FILIP1L: variants seen among roughly 807,000 people sequenced by gnomAD.
The protein encoded by FILIP1L is filamin A interacting protein 1 like.
FILIP1L carries 55 observed loss-of-function variants against 96.6 expected under a neutral mutation model. That is an observed-to-expected ratio of 0.57 (90% CI 0.46 to 0.71). FILIP1L has a LOEUF of 0.71. Ranked by LOEUF, FILIP1L falls within the 30% of genes least tolerant of loss-of-function variation. The pLI, the probability that FILIP1L is intolerant of heterozygous loss-of-function variation, is 0.00. For missense variants in FILIP1L, 1,304 were observed against 1,321.2 expected (o/e 0.99, Z 0.20); for synonymous variants, 467 against 473.9 (o/e 0.99, Z 0.19).
rs2064884470 is a variant in FILIP1L, at chr3:100,024,604, CA to C, written c.-11+89448del. On this transcript the variant is annotated intron_variant, in intron 1 of 5. Transcript: ENST00000477258. Reference sequence around the variant, plus strand: ...AATTATGTAATTATAGTAACAAATCCAACAGGCATAGGCAGGTTTGAGAACA... The same window carrying C: ...AATTATGTAATTATAGTAACAAATCCACAGGCATAGGCAGGTTTGAGAACA... Among the ~76,000 whole-genome samples the C allele has an allele frequency of 6.6e-5, 10 of 152,194 alleles. No individual in the cohort carries two copies. The South Asian group carries it at 2.1e-3, about 32-fold the overall frequency.
At chr3:99,875,615 T>TAAAC (rs1260529501) in intron 4 of FILIP1L, among the ~76,000 whole-genome samples, 4 of 152,212 alleles carry the variant, frequency 2.6e-5, no homozygotes, top group African/African-American at 9.6e-5. Flanking sequence ...AGTGTTTTTC[T>TAAAC]AGTCGTTTAT....
At chr3:100,003,788 A>G (rs557515999) in intron 1 of FILIP1L, among the ~76,000 whole-genome samples, 1 of 152,192 alleles carries the variant, frequency 6.6e-6, no homozygotes, top group Non-Finnish European at 1.5e-5. Flanking sequence ...AGACATATGT[A>G]TATTTATTGA....
At chr3:99,836,168 G>A (rs1020449197) in intron 5 of FILIP1L, among the ~76,000 whole-genome samples, 2 of 152,182 alleles carry the variant, frequency 1.3e-5, no homozygotes, top group African/African-American at 4.8e-5. Context: ...AAGTGTAGTA[G>A]ATTAACTATC....
At chr3:99,956,009 G>A (rs1366657513) in intron 1 of FILIP1L, among the ~76,000 whole-genome samples, 4 of 152,144 alleles carry the variant, frequency 2.6e-5, no homozygotes, top group African/African-American at 9.7e-5. Flanking sequence ...TAGGTTGTAA[G>A]GTGCCTGCCA....
intron 1 of FILIP1L, among the ~76,000 whole-genome samples, chr3:100,111,612 C>A (rs1311312415): frequency 2.0e-5 from 3 of 152,116 alleles, no homozygotes; most frequent in African/African-American, 7.2e-5. Flanking sequence ...GTGTAGGCTC[C>A]AGTGATTGAC....
intron 4 of FILIP1L, among the ~76,000 whole-genome samples, chr3:99,875,674 C>T (rs149621887): frequency 2.0e-3 from 301 of 152,258 alleles, no homozygotes; most frequent in African/African-American, 6.8e-3. Flanking sequence ...CAAATTTTCG[C>T]ATTCTGCTCA....
chr3:99,999,202 G>T (rs1050924603), intron 1 of FILIP1L, among the ~76,000 whole-genome samples: 11 of 152,112 alleles, frequency 7.2e-5, no homozygotes, highest in African/African-American at 2.7e-4. Context: ...CTCTAGGTGA[G>T]GAAGCATATT....
intron 4 of FILIP1L, among the ~76,000 whole-genome samples, chr3:99,859,786 C>G (rs1332123595): frequency 1.3e-5 from 2 of 151,806 alleles, no homozygotes; most frequent in Admixed American, 1.3e-4. Context: ...TGGTATCAGG[C>G]CTATAATTTA....
intron 1 of FILIP1L, among the ~76,000 whole-genome samples, chr3:100,034,393 T>C (rs1231911700): frequency 1.3e-5 from 2 of 152,202 alleles, no homozygotes; most frequent in Non-Finnish European, 2.9e-5. Flanking sequence ...GCATTCTGAT[T>C]ATGGCCAGAT....
chr3:100,045,985 A>C (rs562752684), intron 1 of FILIP1L, among the ~76,000 whole-genome samples: 1 of 152,146 alleles, frequency 6.6e-6, no homozygotes, highest in African/African-American at 2.4e-5. Context: ...TCACATCTGC[A>C]TTCTTGGTGG....
rs115017494 is a variant in FILIP1L, at chr3:100,058,707, G to A, written c.-11+55346C>T. 3.7e-3 allele frequency among the ~76,000 whole-genome samples: 568 copies of A among 152,218 alleles called. 3 individuals are homozygous for A. The highest frequency in any genetic ancestry group is 0.013 in the African/African-American group (528 of 41,526). ...CCCAGAAGCATCAACAGACAACAGG[G>A]CCCATTTTTCCTGACTGTCCCACTC... On this transcript the variant is annotated intron_variant, in intron 1 of 5. Transcript: ENST00000477258.
chr3:100,106,165 A>G (rs749861393), intron 1 of FILIP1L, among the ~76,000 whole-genome samples: 1 of 152,178 alleles, frequency 6.6e-6, no homozygotes, highest in Non-Finnish European at 1.5e-5. Flanking sequence ...CACATAGTAA[A>G]TCAGAAGAGG....
chr3:100,044,353 G>A (rs2065248255), intron 1 of FILIP1L, among the ~76,000 whole-genome samples: 1 of 151,826 alleles, frequency 6.6e-6, no homozygotes. Flanking sequence ...TTACATCATA[G>A]TATAAAGAAG....
chr3:100,041,134 T>C (rs2065198630), intron 1 of FILIP1L: 1 of 152,204 alleles, frequency 6.6e-6, no homozygotes, highest in African/African-American at 2.4e-5. Flanking sequence ...AGCTCAGATA[T>C]AGCTAAATGC....
chr3:100,077,226 A>G (rs2065863932), intron 1 of FILIP1L, among the ~76,000 whole-genome samples: 1 of 152,222 alleles, frequency 6.6e-6, no homozygotes, highest in Non-Finnish European at 1.5e-5. Context: ...AAATGGGAAC[A>G]CACCATCATG....
intron 1 of FILIP1L, among the ~76,000 whole-genome samples, chr3:100,027,585 C>T (rs2064949464): frequency 6.6e-6 from 1 of 152,140 alleles, no homozygotes; most frequent in Admixed American, 6.6e-5. Flanking sequence ...CTCCTACTTC[C>T]ACCCTGCTCA....
At chr3:99,852,582 A>C (rs1157860779) in intron 4 of FILIP1L, among the ~76,000 whole-genome samples, 1 of 151,950 alleles carries the variant, frequency 6.6e-6, no homozygotes, top group Admixed American at 6.6e-5. Flanking sequence ...AGTAGCTGGG[A>C]TTATAGGCAC....
intron 5 of FILIP1L, among the ~76,000 whole-genome samples, chr3:99,845,044 G>T (rs1305900008): frequency 6.6e-6 from 1 of 152,120 alleles, no homozygotes; most frequent in Non-Finnish European, 1.5e-5. Context: ...GTGTCATGAA[G>T]ACCCCAAGCC....
intron 4 of FILIP1L, among the ~76,000 whole-genome samples, chr3:99,863,864 C>T (rs2107562625): frequency 6.6e-6 from 1 of 152,254 alleles, no homozygotes; most frequent in East Asian, 1.9e-4. Flanking sequence ...TTATGCTCTC[C>T]CCTTTTTACA....
Sources: gnomAD v4.1 joint callset for allele counts (sites outside exome capture counted in the v4.1 genomes callset) on GRCh38, gnomAD v4.1.1 for gene constraint, MANE v1.5 for transcripts, NCBI Gene and HGNC (gene_info 2026-07-23, HGNC 2026-07-21) for gene names.